Variants in RAB6B observed in about 807,000 individuals in gnomAD.
RAB6B encodes the protein ras-related protein Rab-6B.
A neutral mutation model predicts 31.2 loss-of-function variants in RAB6B; 7 were observed. The ratio of observed to expected loss-of-function variants is 0.22; its 90% CI spans 0.13 to 0.42. The LOEUF is 0.42. Ranked by LOEUF, RAB6B falls within the 10% of genes least tolerant of loss-of-function variation. RAB6B has a pLI of 1.00. For synonymous variants in RAB6B, 105 were observed against 104.9 expected (o/e 1.00, Z -0.01); for missense variants, 149 against 280.6 (o/e 0.53, Z 3.35).
At chr3:133,874,260 T>C (rs768746822) in intron 1 of RAB6B, among the ~76,000 whole-genome samples, 3 of 152,216 alleles carry the variant, frequency 2.0e-5, no homozygotes, top group Non-Finnish European at 2.9e-5. Flanking sequence ...GAGCAACGCA[T>C]CATTAGGTGA....
intron 2 of RAB6B, among the ~76,000 whole-genome samples, chr3:133,846,341 G>C (rs1935908067): frequency 6.6e-6 from 1 of 152,228 alleles, no homozygotes; most frequent in Non-Finnish European, 1.5e-5. Flanking sequence ...CAGTTACTTA[G>C]AAGGCTGAGG....
chr3:133,833,246 T>C (rs1935681475), intron 7 of RAB6B, among the ~76,000 whole-genome samples: 1 of 152,310 alleles, frequency 6.6e-6, no homozygotes, highest in African/African-American at 2.4e-5. Context: ...TCTCTGCTAC[T>C]GAGAGCCGTG....
intron 2 of RAB6B, among the ~76,000 whole-genome samples, chr3:133,856,292 G>A (rs1576400177): frequency 6.6e-6 from 1 of 152,110 alleles, no homozygotes; most frequent in South Asian, 2.1e-4. Flanking sequence ...TAGAGCCTGG[G>A]CAGTGTGGTT....
intron 1 of RAB6B, among the ~76,000 whole-genome samples, chr3:133,871,906 G>T (rs1936331381): frequency 6.6e-6 from 1 of 152,242 alleles, no homozygotes; most frequent in African/African-American, 2.4e-5. Flanking sequence ...CAAACAGTGG[G>T]ATCCTGATCC....
At chr3:133,838,874 G>A (rs1377544874) in intron 5 of RAB6B, among the ~76,000 whole-genome samples, 1 of 152,188 alleles carries the variant, frequency 6.6e-6, no homozygotes, top group East Asian at 1.9e-4. Context: ...CTGCTTGCTG[G>A]AGTCCATGGC....
At chr3:133,885,534 C>T (rs1415854132) in intron 1 of RAB6B, 2 of 702,990 alleles carry the variant, frequency 2.8e-6, no homozygotes, top group South Asian at 1.5e-5. Flanking sequence ...AGCTCACACA[C>T]CCAATGGCCA....
intron 1 of RAB6B, among the ~76,000 whole-genome samples, chr3:133,883,434 G>C (rs1936495868): frequency 6.6e-6 from 1 of 152,130 alleles, no homozygotes; most frequent in African/African-American, 2.4e-5. Flanking sequence ...CATTAAATTT[G>C]GTTAGGACCC....
At chr3:133,847,881 G>A (rs1416025918) in intron 2 of RAB6B, among the ~76,000 whole-genome samples, 2 of 152,014 alleles carry the variant, frequency 1.3e-5, no homozygotes, top group South Asian at 2.1e-4. Context: ...CTCTAATTGC[G>A]GTTCCTTATT....
chr3:133,859,928 C>T (rs1387221643), intron 2 of RAB6B, among the ~76,000 whole-genome samples: 2 of 152,290 alleles, frequency 1.3e-5, no homozygotes, highest in East Asian at 3.9e-4. Flanking sequence ...GATCTGGAGA[C>T]ACCTTGTGAG....
chr3:133,840,300 C>T (rs984361678), intron 4 of RAB6B, among the ~76,000 whole-genome samples: 1 of 152,200 alleles, frequency 6.6e-6, no homozygotes, highest in African/African-American at 2.4e-5. Flanking sequence ...CCTTGCAGGG[C>T]AGAGCAGCTA....
rs1480206779 is a variant in RAB6B at position 133,895,825 on chromosome 3, A to G, written c.-359T>C. 2 of 240,890 alleles carry G rather than the reference A, an allele frequency of 8.3e-6. No individual in the cohort carries two copies. The highest frequency in any genetic ancestry group is 8.3e-5 in the East Asian group (1 of 12,090). The allele number at this position is 240,890 out of a possible 1,614,324, so 14.9% of individuals were successfully genotyped here. On this transcript the variant is annotated 5_prime_UTR_variant, in exon 1 of 8. Transcript: ENST00000285208. ...CGCGCGGGGCGGAGGAGCGCTCTCC[A>G]GAGCCGCGCCAGTCGGCCCCCTCCC...
Position 133,850,195 on chromosome 3 carries a change from G to A in RAB6B, c.130-8532C>T, listed in dbSNP as rs74444026. Among the ~76,000 whole-genome samples, 12 of 152,238 alleles carry A rather than the reference G, an allele frequency of 7.9e-5. No individual in the cohort carries two copies. In the East Asian group the frequency reaches 1.4e-3, roughly 17 times the overall value. Reference sequence around the variant, plus strand: ...AACTTTCAGTTGCTGCCTACCACGGGGGGGAGAATTGAGAATTTGGGTCCA... The same window carrying A: ...AACTTTCAGTTGCTGCCTACCACGGAGGGGAGAATTGAGAATTTGGGTCCA... On this transcript the variant is annotated intron_variant, in intron 2 of 7. Coordinates refer to ENST00000285208, the MANE Select transcript of RAB6B (RefSeq NM_016577.4).
chr3:133,847,298 T>C (rs1935920003), intron 2 of RAB6B, among the ~76,000 whole-genome samples: 2 of 152,352 alleles, frequency 1.3e-5, no homozygotes, highest in Non-Finnish European at 2.9e-5. Context: ...GCAGTCAAGA[T>C]TCAAAAGGTA....
At chr3:133,883,526 T>C (rs1936497392) in intron 1 of RAB6B, among the ~76,000 whole-genome samples, 1 of 152,148 alleles carries the variant, frequency 6.6e-6, no homozygotes, top group Non-Finnish European at 1.5e-5. Context: ...CCCCCATCTG[T>C]GTCTGGTAGG....
chr3:133,835,550 G>A lies in RAB6B; in HGVS notation c.496-909C>T, dbSNP rs868694598. Among the ~76,000 whole-genome samples the A allele has an allele frequency of 1.2e-4, 18 of 151,788 alleles. No individual in the cohort carries two copies. In the Middle Eastern group the frequency reaches 0.01, roughly 86 times the overall value. The stretch of plus-strand genomic sequence containing the variant: ...GGGACAGGTGGCAAGTGGCAGATGG[G>A]GTGCTGGCAGAGATGGAATCTTGGA... On this transcript the variant is annotated intron_variant, in intron 6 of 7. Transcript: ENST00000285208.
At chr3:133,880,492 C>T (rs1350454172) in intron 1 of RAB6B, among the ~76,000 whole-genome samples, 1 of 152,230 alleles carries the variant, frequency 6.6e-6, no homozygotes. Flanking sequence ...TGGAAGGAGG[C>T]CTCTAGACTG....
chr3:133,839,792 C>A (rs1935794346), intron 4 of RAB6B, among the ~76,000 whole-genome samples, 175 bp from the exon 5 acceptor site: 1 of 152,196 alleles, frequency 6.6e-6, no homozygotes, highest in African/African-American at 2.4e-5. Context: ...TCAGAGGGAA[C>A]CGGGCCCTGC....
At chr3:133,892,381 G>A (rs1319771028) in intron 1 of RAB6B, among the ~76,000 whole-genome samples, 1 of 152,152 alleles carries the variant, frequency 6.6e-6, no homozygotes, top group African/African-American at 2.4e-5. Flanking sequence ...GCTGCCAGGA[G>A]GGGGGCTCTT....
At chr3:133,886,971 G>A in intron 1 of RAB6B, among the ~76,000 whole-genome samples, 1 of 151,950 alleles carries the variant, frequency 6.6e-6, no homozygotes, top group East Asian at 1.9e-4. Context: ...CAGCAGAGGG[G>A]TGGGCTGAGG....
Sources: gnomAD v4.1 joint callset for allele counts (sites outside exome capture counted in the v4.1 genomes callset) on GRCh38, gnomAD v4.1.1 for gene constraint, MANE v1.5 for transcripts, NCBI Gene and HGNC (gene_info 2026-07-23, HGNC 2026-07-21) for gene names.